Variants in TEX14 observed in about 807,000 individuals in gnomAD.
The protein encoded by TEX14 is testis expressed 14, intercellular bridge forming factor.
A neutral mutation model predicts 178.6 loss-of-function variants in TEX14; 168 were observed. That is an observed-to-expected ratio of 0.94 (90% CI 0.83 to 1.07). The LOEUF is 1.07. Among genes scored for constraint, TEX14 ranks in the 50% least tolerant of loss-of-function variants. TEX14 has a pLI of 0.00. For missense variants in TEX14, 1,730 were observed against 1,753.6 expected, an observed-to-expected ratio of 0.99 and a Z score of 0.24; for synonymous variants, 626 against 634.1, an observed-to-expected ratio of 0.99 and a Z score of 0.19.
intron 15 of TEX14, among the ~76,000 whole-genome samples, chr17:58,590,326 G>C (rs1000259178): frequency 1.3e-5 from 2 of 150,762 alleles, no homozygotes; most frequent in Non-Finnish European, 1.5e-5. Context: ...GGGCGACAGA[G>C]CGAGACCCTG....
chr17:58,582,959 C>G (rs933563558), intron 19 of TEX14, among the ~76,000 whole-genome samples: 6 of 151,030 alleles, frequency 4.0e-5, no homozygotes, highest in African/African-American at 1.5e-4. Context: ...AAACAAATGG[C>G]TCACTTCAGT....
chr17:58,648,786 C>CTT (rs34918333), intron 2 of TEX14, among the ~76,000 whole-genome samples: 77 of 89,694 alleles, frequency 8.6e-4, no homozygotes, highest in East Asian at 2.5e-3. Context: ...CTTTTTTTTT[C>CTT]TTTTTTTTTT....
chr17:58,633,787 T>A (rs1180740769), intron 2 of TEX14, among the ~76,000 whole-genome samples: 1 of 151,748 alleles, frequency 6.6e-6, no homozygotes, highest in Non-Finnish European at 1.5e-5. Context: ...GCCAACATGG[T>A]GAAACCTCGT....
rs149369399 is a variant in TEX14, at chr17:58,577,317, CA to C, written c.3320+57del. The C allele has an allele frequency of 1.6e-3, 1,063 of 677,650 alleles. 8 individuals carry two copies. The African/African-American group carries it at 0.017, about 11-fold the overall frequency. 42.0% of individuals were successfully genotyped at this position (677,650 alleles called of 1,614,324 possible). A position where few individuals can be genotyped will look rare whatever the true frequency, so the allele number is the denominator to read the frequency against. ...GCAATATATAAACACGGAGCATTAT[CA>C]CCATTTAACATTGCATCTATGAGTT... is the stretch of plus-strand genomic sequence containing the variant. On this transcript the variant is annotated intron_variant, in intron 21 of 31. Coordinates refer to ENST00000349033, the MANE Select transcript of TEX14 (RefSeq NM_031272.5).
At chr17:58,572,273 C>T in intron 23 of TEX14, 147 bp from the exon 24 acceptor site, 1 of 606,252 alleles carries the variant, frequency 1.6e-6, no homozygotes, top group Admixed American at 3.0e-5. Context: ...AACAAACAAA[C>T]AAACAAACAA....
chr17:58,585,844 G>A lies in TEX14; in HGVS notation c.3027C>T (p.Asp1009=), dbSNP rs2044952813. 6.8e-6 allele frequency: 11 copies of A among 1,614,064 alleles called. No homozygotes were observed. Among genetic ancestry groups the A allele is most frequent in the Non-Finnish European group, 7.6e-6 (9 of 1,180,008 alleles). ...TGGGCTGTCTGCCATGCTGGTCACT[G>A]TCACAGTCATTGTTGCCCGTCTTGT... is the stretch of plus-strand genomic sequence containing the variant. ...KFDKTGNNDC[D]SDQHGRQPRL... is the part of the protein sequence containing the mutation. The change falls in exon 18 of 32, where the codon GAC becomes GAT. Residue 1009 remains aspartate (D), a synonymous_variant. Coordinates refer to ENST00000349033, the MANE Select transcript of TEX14 (RefSeq NM_031272.5).
intron 4 of TEX14, among the ~76,000 whole-genome samples, chr17:58,622,203 T>C (rs865930889): frequency 1.3e-5 from 2 of 152,140 alleles, no homozygotes; most frequent in Non-Finnish European, 1.5e-5. Context: ...TTCCAGCACT[T>C]TGGGAGGCCA....
rs571048216 is a variant in TEX14, at chr17:58,622,198, G to A, written c.418-412C>T. On this transcript the variant is annotated intron_variant, in intron 4 of 31. Transcript: ENST00000349033. ...GCAGTGGCTCATGCCTGTAATTCCA[G>A]CACTTTGGGAGGCCAAGGTGGGCGA... Among the ~76,000 whole-genome samples, 3 of 152,292 alleles carry A rather than the reference G, an allele frequency of 2.0e-5. No homozygotes were observed. The East Asian group carries it at 5.8e-4, about 29-fold the overall frequency.
At chr17:58,634,856 G>T (rs1005288567) in intron 2 of TEX14, among the ~76,000 whole-genome samples, 1 of 152,170 alleles carries the variant, frequency 6.6e-6, no homozygotes, top group Non-Finnish European at 1.5e-5. Context: ...CTCCAGCCAG[G>T]CATGGTGGCT....
Position 58,565,790 on chromosome 17 carries a change from C to T in TEX14, c.3921G>A (p.Val1307=), listed in dbSNP as rs1416580891. ...CATCACTTGCTGTGTTCTCATGCAA[C>T]ACCGTGGATGAGCCCTGCTGCTGTT... The part of the protein sequence containing the change: ...LLKQQQGSST[V]LHENTASDGG... The change falls in exon 27 of 32, where the codon GTG becomes GTA. Residue 1307 remains valine, a synonymous_variant. Transcript: ENST00000349033. 6.2e-7 allele frequency: 1 copy of T among 1,610,054 alleles called. No homozygotes were observed. Among genetic ancestry groups the T allele is most frequent in the Non-Finnish European group, 8.5e-7 (1 of 1,178,402 alleles).
In TEX14 at chr17:58,564,995, T is replaced by G. The variant is rs113444432; in HGVS notation, c.3965-27A>C. 283 of 1,440,480 alleles carry G rather than the reference T, an allele frequency of 2.0e-4. 2 individuals carry two copies. In the African/African-American group the frequency reaches 3.6e-3, roughly 18 times the overall value. The allele number at this position is 1,440,480 out of a possible 1,614,324, so 89.2% of individuals were successfully genotyped here. The stretch of plus-strand genomic sequence containing the variant: ...TAAAAACAGTTGAAAGAATTAACTT[T>G]ATTAGAACGAAAAAAAAATTGAGAA... On this transcript the variant is annotated intron_variant, in intron 27 of 31. Coordinates refer to ENST00000349033, the MANE Select transcript of TEX14 (RefSeq NM_031272.5).
intron 1 of TEX14, among the ~76,000 whole-genome samples, chr17:58,678,438 A>G (rs183256497): frequency 6.6e-6 from 1 of 152,198 alleles, no homozygotes; most frequent in Non-Finnish European, 1.5e-5. Context: ...ATGTCCATCA[A>G]TGATAGAATG....
chr17:58,651,435 C>A (rs1567758893), intron 2 of TEX14, among the ~76,000 whole-genome samples: 1 of 152,192 alleles, frequency 6.6e-6, no homozygotes, highest in Admixed American at 6.5e-5. Flanking sequence ...CCATGTCTGC[C>A]TGTATCCTTC....
intron 21 of TEX14, among the ~76,000 whole-genome samples, chr17:58,576,270 G>A (rs184977481): frequency 6.6e-4 from 101 of 152,330 alleles, no homozygotes; most frequent in African/African-American, 2.1e-3. Flanking sequence ...TGGATCACCT[G>A]AGGTCAAGAG....
chr17:58,639,867 G>C (rs568134827), intron 2 of TEX14, among the ~76,000 whole-genome samples: 27 of 152,190 alleles, frequency 1.8e-4, no homozygotes, highest in Admixed American at 4.6e-4. Flanking sequence ...GGGTGACTGA[G>C]ACCCAGCATT....
In TEX14 at chr17:58,630,527, A is replaced by G. The variant is rs1567746581; in HGVS notation, c.164T>C (p.Leu55Ser). The change falls in exon 3 of 32, where the codon TTG becomes TCG. Residue 55 changes from leucine to serine, a missense_variant. Physicochemically the swap from Leu to Ser is moderately radical, Grantham distance 145. Transcript: ENST00000349033. ...KGIYVDAVNS[L>S]GQTALFVAAL... is the part of the protein sequence containing the mutation. The stretch of plus-strand genomic sequence containing the variant: ...CGCAACAAAAAGTGCTGTTTGGCCC[A>G]AGGAGTTAACTGCATCAACATAAAT... 1 of 1,614,024 alleles carries G rather than the reference A, an allele frequency of 6.2e-7. No homozygotes were observed. Among genetic ancestry groups the G allele is most frequent in the Non-Finnish European group, 8.5e-7 (1 of 1,179,868 alleles).
chr17:58,657,829 C>T (rs1324526814), intron 1 of TEX14, among the ~76,000 whole-genome samples: 1 of 152,154 alleles, frequency 6.6e-6, no homozygotes. Context: ...ACTAGATTGC[C>T]TTTGTAGGAC....
chr17:58,599,574 T>G lies in TEX14; in HGVS notation c.1771A>C (p.Thr591Pro). The change falls in exon 14 of 32, where the codon ACT (threonine) becomes CCT (proline). Residue 591 changes from threonine to proline, a missense_variant. Around this residue, in one of 2 missense-constraint regions of TEX14, gnomAD observed 941 missense variants for 1,072.4 expected, o/e 0.88. Coordinates refer to ENST00000349033, the MANE Select transcript of TEX14 (RefSeq NM_031272.5). ...GGGCAAGGAGCATCTTGATTCTGAG[T>G]CTCCCTGGCCATCAGACATGGATCT... ...APDPCLMARE[T>P]QNQDAPCPAP... 6.2e-7 allele frequency: 1 copy of G among 1,613,888 alleles called. No homozygotes were observed. Among genetic ancestry groups the G allele is most frequent in the Non-Finnish European group, 8.5e-7 (1 of 1,179,972 alleles).
Position 58,574,261 on chromosome 17 carries a change from AAAGT to A in TEX14, c.3321-16_3321-13del, listed in dbSNP as rs745771857. ...GTTCATCTTCAGTACTGTGAGAAAG[AAAGT>A]AAGAAAATTACATAAATCCCCTCTG... On this transcript the variant is annotated splice_polypyrimidine_tract_variant and intron_variant, in intron 21 of 31. Coordinates refer to ENST00000349033, the MANE Select transcript of TEX14 (RefSeq NM_031272.5). 11 of 1,606,400 alleles carry A rather than the reference AAAGT, an allele frequency of 6.8e-6. No homozygotes were observed. Among genetic ancestry groups the A allele is most frequent in the East Asian group, 6.7e-5 (3 of 44,850 alleles).
Sources: gnomAD v4.1 joint callset for allele counts (sites outside exome capture counted in the v4.1 genomes callset) on GRCh38, gnomAD v4.1.1 for gene constraint, gnomAD v4.1.1 regional missense constraint, MANE v1.5 for transcripts, NCBI Gene and HGNC (gene_info 2026-07-23, HGNC 2026-07-21) for gene names.